Variants in NSD1 observed in about 807,000 individuals in gnomAD.
The protein encoded by NSD1 is nuclear receptor binding SET domain protein 1, also known as histone-lysine N-methyltransferase, H3 lysine-36 specific.
Under a neutral mutation model 242.7 loss-of-function variants are expected in NSD1, and 26 were observed. The observed-to-expected ratio is 0.11, with a 90% CI of 0.08 to 0.15. The LOEUF (loss-of-function observed/expected upper bound fraction) is 0.15. Ranked by LOEUF, NSD1 falls within the 10% of genes least tolerant of loss-of-function variation. NSD1 has a pLI of 1.00. For synonymous variants in NSD1, 1,106 were observed against 1,178.1 expected, an observed-to-expected ratio of 0.94 and a Z score of 1.25; for missense variants, 2,495 against 3,272.8, an observed-to-expected ratio of 0.76 and a Z score of 5.80.
intron 3 of NSD1, among the ~76,000 whole-genome samples, chr5:177,201,398 A>G (rs1762499008): frequency 6.6e-6 from 1 of 152,176 alleles, no homozygotes; most frequent in African/African-American, 2.4e-5. Context: ...TTAACATGCC[A>G]TGCAAACTCT....
chr5:177,132,501 C>T (rs1422678126), upstream of NSD1, among the ~76,000 whole-genome samples: 10 of 151,978 alleles, frequency 6.6e-5, no homozygotes, highest in East Asian at 1.9e-3. The surrounding 1 kb of genome is among the most constrained non-coding windows in gnomAD (Gnocchi z 7.5). Flanking sequence ...CCGGCGTTCC[C>T]CTCGCCCCGC....
intron 2 of NSD1, among the ~76,000 whole-genome samples, chr5:177,185,995 T>TG (rs1285493754): frequency 1.0e-5 from 1 of 98,854 alleles, no homozygotes. Flanking sequence ...ATATTTTATA[T>TG]TATATAATTT....
chr5:177,234,630 C>T (rs540620906), intron 5 of NSD1, among the ~76,000 whole-genome samples: 18 of 152,212 alleles, frequency 1.2e-4, no homozygotes, highest in African/African-American at 4.1e-4. Context: ...GCAGTAGAAT[C>T]GCTTGATCCT....
chr5:177,275,435 CTTT>C (rs749631943), intron 17 of NSD1, among the ~76,000 whole-genome samples: 340 of 50,086 alleles, frequency 6.8e-3, no homozygotes, highest in Non-Finnish European at 9.8e-3. Flanking sequence ...CTTCCCTTGT[CTTT>C]TTTTTTTTTT....
Position 177,135,524 on chromosome 5 carries a change from A to G in NSD1, c.421A>G (p.Lys141Glu). The stretch of plus-strand genomic sequence containing the variant: ...TAATAACTCCCCTGAACTCCAGGTA[A>G]AAGTAACAAAGACTATCAAGAATGG... ...SCNNSPELQV[K>E]VTKTIKNGFL... Residue 141 changes from lysine to glutamate, a missense_variant, in exon 2 of 23, where the codon AAA becomes GAA. Transcript: ENST00000439151. The G allele has an allele frequency of 2.5e-6, 4 of 1,614,230 alleles. No homozygotes were observed. The highest frequency in any genetic ancestry group is 1.1e-5 in the South Asian group (1 of 91,088).
intron 20 of NSD1, among the ~76,000 whole-genome samples, chr5:177,285,528 C>T (rs1377886386): frequency 7.9e-6 from 1 of 127,022 alleles, no homozygotes; most frequent in East Asian, 2.3e-4. Context: ...CGTGCCACTG[C>T]ACTCTAGCCC....
At chr5:177,200,208 AGCCTC>A (rs1762412350) in intron 3 of NSD1, among the ~76,000 whole-genome samples, 2 of 152,058 alleles carry the variant, frequency 1.3e-5, no homozygotes, top group Admixed American at 1.3e-4. Flanking sequence ...CTTCTGCCTC[AGCCTC>A]CTGAGTAGCT....
chr5:177,189,618 A>G (rs1761509822), intron 2 of NSD1, among the ~76,000 whole-genome samples: 1 of 152,192 alleles, frequency 6.6e-6, no homozygotes, highest in Admixed American at 6.6e-5. Context: ...CTTAATAACT[A>G]TGTAACCACA....
At chr5:177,138,087 CAACAAAAAAACA>C (rs1356632581) in intron 2 of NSD1, among the ~76,000 whole-genome samples, 41 of 135,532 alleles carry the variant, frequency 3.0e-4, no homozygotes, top group African/African-American at 1.1e-3. Flanking sequence ...AAAAAAAAAA[CAACAAAAAAACA>C]AACAAACAAA....
intron 3 of NSD1, among the ~76,000 whole-genome samples, chr5:177,192,669 T>A (rs1761792759): frequency 6.6e-6 from 1 of 152,216 alleles, no homozygotes; most frequent in African/African-American, 2.4e-5. Context: ...GTGCTGAGAT[T>A]ACAGGCATGA....
chr5:177,245,853 G>C (rs1337916338), intron 9 of NSD1, among the ~76,000 whole-genome samples: 1 of 151,984 alleles, frequency 6.6e-6, no homozygotes. Context: ...TGGCCAGGAT[G>C]GTCTTGATCT....
chr5:177,264,882 T>C (rs1757293126), intron 14 of NSD1: 1 of 768,832 alleles, frequency 1.3e-6, no homozygotes, highest in East Asian at 2.4e-5. Context: ...AAGGTGATAT[T>C]GTAGACATCA....
Position 177,210,589 on chromosome 5 carries a change from C to T in NSD1, c.2190C>T (p.Leu730=), listed in dbSNP as rs1232635107. The T allele has an allele frequency of 1.2e-6, 2 of 1,614,004 alleles. No individual in the cohort carries two copies. The highest frequency in any genetic ancestry group is 2.7e-5 in the African/African-American group (2 of 74,894). The part of the protein sequence containing the change: ...EPGTETSQVN[L]SDLKASTLVH... ...GAACCGAGACGTCTCAGGTTAATCTCTCTGATCTGAAGGCATCTACTCTTG... is the reference window on the plus strand; with the variant it reads ...GAACCGAGACGTCTCAGGTTAATCTTTCTGATCTGAAGGCATCTACTCTTG... Residue 730 remains leucine (L), a synonymous_variant, in exon 5 of 23, where the codon CTC becomes CTT. Transcript: ENST00000439151.
chr5:177,274,579 T>C (rs1300345463), intron 17 of NSD1, among the ~76,000 whole-genome samples: 1 of 152,172 alleles, frequency 6.6e-6, no homozygotes, highest in East Asian at 1.9e-4. Flanking sequence ...TTAGGCCTGT[T>C]GAGAAAAGGA....
At position 177,201,273 on chromosome 5, in the gene NSD1, G is replaced by C. The variant is rs531245301; in HGVS notation, c.1064-2847G>C. On this transcript the variant is annotated intron_variant, in intron 3 of 22. Coordinates refer to ENST00000439151, the MANE Select transcript of NSD1 (RefSeq NM_022455.5). ...CTCCCAGGCTGGAGTGCAGTAGCGG[G>C]ATCTTGGCTCACTGCAACCTCTGCC... Among the ~76,000 whole-genome samples, 3 of 152,074 alleles carry C rather than the reference G, an allele frequency of 2.0e-5. No homozygotes were observed. In the East Asian group the frequency reaches 5.8e-4, roughly 29 times the overall value.
intron 15 of NSD1, among the ~76,000 whole-genome samples, chr5:177,268,082 G>A (rs1562279077): frequency 2.0e-5 from 3 of 150,910 alleles, no homozygotes; most frequent in African/African-American, 7.3e-5. Context: ...CAAAATAACT[G>A]TTTTTACAGA....
At chr5:177,164,520 G>A (rs1158919934) in intron 2 of NSD1, among the ~76,000 whole-genome samples, 1 of 152,028 alleles carries the variant, frequency 6.6e-6, no homozygotes, top group Non-Finnish European at 1.5e-5. Flanking sequence ...AGTTGTAATC[G>A]TTTATTAACA....
intron 3 of NSD1, among the ~76,000 whole-genome samples, chr5:177,201,491 G>C (rs1405213414): frequency 1.3e-5 from 2 of 150,034 alleles, no homozygotes; most frequent in Non-Finnish European, 3.0e-5. Flanking sequence ...TTGTAGTTTT[G>C]TTTAGTTTTA....
intron 5 of NSD1, among the ~76,000 whole-genome samples, chr5:177,220,382 G>A (rs1028016303): frequency 6.6e-6 from 1 of 151,882 alleles, no homozygotes; most frequent in African/African-American, 2.4e-5. Flanking sequence ...GTTTACCACT[G>A]GCATAGAATA....
Sources: gnomAD v4.1 joint callset for allele counts (sites outside exome capture counted in the v4.1 genomes callset) on GRCh38, gnomAD v4.1.1 for gene constraint, Gnocchi (gnomAD v3.1) non-coding constraint, MANE v1.5 for transcripts, NCBI Gene and HGNC (gene_info 2026-07-23, HGNC 2026-07-21) for gene names.